SHQ1: variants seen among roughly 807,000 people sequenced by gnomAD.
SHQ1 encodes the protein SHQ1, H/ACA ribonucleoprotein assembly factor, also known as protein SHQ1 homolog.
In SHQ1, 49 loss-of-function variants were observed where a neutral mutation model predicts 53.8. That is an observed-to-expected ratio of 0.91 (90% CI 0.72 to 1.16). The LOEUF is 1.16. Among genes scored for constraint, SHQ1 ranks in the 50% most tolerant of loss-of-function variants. SHQ1 has a pLI of 0.00. For synonymous variants in SHQ1, 243 were observed against 251.0 expected (o/e 0.97, Z 0.30); for missense variants, 738 against 683.1 (o/e 1.08, Z -0.90).
chr3:72,840,539 C>A (rs752871396), intron 4 of SHQ1, among the ~76,000 whole-genome samples: 1 of 143,304 alleles, frequency 7.0e-6, no homozygotes, highest in Non-Finnish European at 1.5e-5. Context: ...CCAGCCTTGG[C>A]GACAGGGTAA....
At chr3:72,751,535 T>TATATATATATATATATATATATAC (rs1444853961) in intron 10 of SHQ1, among the ~76,000 whole-genome samples, 18 of 139,948 alleles carry the variant, frequency 1.3e-4, no homozygotes, top group Middle Eastern at 3.5e-3. Context: ...TATATACATA[T>TATATATATATATATATATATATAC]ACATACACTA....
At chr3:72,795,561 T>A (rs557480606) in intron 9 of SHQ1, 38 of 152,300 alleles carry the variant, frequency 2.5e-4, no homozygotes, top group African/African-American at 9.1e-4. Context: ...AGAAGACAAA[T>A]GTCACAGTAA....
intron 10 of SHQ1, among the ~76,000 whole-genome samples, chr3:72,756,693 T>G (rs1378508698): frequency 6.6e-6 from 1 of 152,230 alleles, no homozygotes; most frequent in African/African-American, 2.4e-5. Flanking sequence ...CTGTCATATT[T>G]TAATAAAACC....
chr3:72,759,547 C>A (rs572107188), intron 10 of SHQ1, among the ~76,000 whole-genome samples: 5 of 151,884 alleles, frequency 3.3e-5, no homozygotes, highest in Non-Finnish European at 5.9e-5. Context: ...AAAAATTAGC[C>A]GGGTGTGGTA....
the SHQ1 span, among the ~76,000 whole-genome samples, chr3:72,736,786 C>T: frequency 1.8e-5 from 1 of 54,282 alleles, no homozygotes; most frequent in Non-Finnish European, 4.1e-5. Context: ...GAGTGAGACT[C>T]CGTTTCAAAA....
intron 5 of SHQ1, among the ~76,000 whole-genome samples, chr3:72,831,708 G>A (rs1187946059): frequency 6.6e-6 from 1 of 152,162 alleles, no homozygotes; most frequent in Non-Finnish European, 1.5e-5. Flanking sequence ...CTGCTATCCT[G>A]GCCAGTGGGA....
Position 72,817,253 on chromosome 3 carries a change from G to A in SHQ1, c.859C>T (p.Arg287Cys), listed in dbSNP as rs747683290. ...DILLAYCYETRVTEGEKNVES... is the reference protein window; with the variant it reads ...DILLAYCYETCVTEGEKNVES... The stretch of plus-strand genomic sequence containing the variant: ...ACATTCTTCTCTCCTTCAGTGACAC[G>A]GGTTTCATAGCAATATGCCAGAAGG... The change falls in exon 7 of 11, where the codon CGT becomes TGT. Residue 287 changes from arginine (R) to cysteine (C), a missense_variant. Coordinates refer to ENST00000325599, the MANE Select transcript of SHQ1 (RefSeq NM_018130.3). 10 of 1,613,264 alleles carry A rather than the reference G, an allele frequency of 6.2e-6. No homozygotes were observed. In the East Asian group the frequency reaches 1.1e-4, roughly 18 times the overall value.
the SHQ1 span, among the ~76,000 whole-genome samples, chr3:72,744,015 C>T: frequency 6.6e-6 from 1 of 152,090 alleles, no homozygotes; most frequent in Non-Finnish European, 1.5e-5. Context: ...GAGCAAACAT[C>T]AAGATGGGAA....
chr3:72,833,879 G>A (rs1238391088), intron 4 of SHQ1, among the ~76,000 whole-genome samples: 1 of 152,184 alleles, frequency 6.6e-6, no homozygotes, highest in Non-Finnish European at 1.5e-5. Flanking sequence ...CCAACCACAA[G>A]TGAGAAGTAC....
chr3:72,832,804 T>A (rs1707863450), intron 4 of SHQ1, among the ~76,000 whole-genome samples: 1 of 152,186 alleles, frequency 6.6e-6, no homozygotes, highest in Admixed American at 6.5e-5. Flanking sequence ...TAACTCAACA[T>A]CCATTTCCCC....
chr3:72,770,897 C>T (rs1456261602), intron 10 of SHQ1, among the ~76,000 whole-genome samples: 1 of 152,182 alleles, frequency 6.6e-6, no homozygotes, highest in Non-Finnish European at 1.5e-5. Context: ...AAACTGATGC[C>T]ATCCCTTGGA....
rs530341917 is a variant in SHQ1, at chr3:72,824,240, C to T, written c.727+184G>A. Reference sequence around the variant, plus strand: ...AAAGAATTTTCCAACACAAATAAGCCTAATTATTTAGCGGCATTTTCCAGT... The same window carrying T: ...AAAGAATTTTCCAACACAAATAAGCTTAATTATTTAGCGGCATTTTCCAGT... On this transcript the variant is annotated intron_variant, in intron 6 of 10. Coordinates refer to ENST00000325599, the MANE Select transcript of SHQ1 (RefSeq NM_018130.3). Among the ~76,000 whole-genome samples, 17 of 152,206 alleles carry T rather than the reference C, an allele frequency of 1.1e-4. No homozygotes were observed. The South Asian group carries it at 3.1e-3, about 28-fold the overall frequency.
intron 2 of SHQ1, 100 bp downstream of exon 2, chr3:72,844,259 G>C: frequency 1.1e-6 from 1 of 943,492 alleles, no homozygotes; most frequent in Non-Finnish European, 1.7e-6. Flanking sequence ...GATTGTATTT[G>C]AAAGACATCA....
chr3:72,844,207 C>G, intron 2 of SHQ1, 152 bp downstream of exon 2: 1 of 637,058 alleles, frequency 1.6e-6, no homozygotes, highest in Non-Finnish European at 2.7e-6. Flanking sequence ...ACATCAATAA[C>G]AGGCACTGGA....
chr3:72,847,699 A>G (rs1708389250), intron 1 of SHQ1, among the ~76,000 whole-genome samples: 1 of 152,126 alleles, frequency 6.6e-6, no homozygotes. Flanking sequence ...TGGTGTCAAG[A>G]GGTCCAAAAA....
the SHQ1 span, among the ~76,000 whole-genome samples, chr3:72,738,789 C>T: frequency 6.6e-6 from 1 of 152,232 alleles, no homozygotes; most frequent in African/African-American, 2.4e-5. Context: ...TACACTCCAG[C>T]CTCAGCAAGC....
At chr3:72,834,003 C>G (rs770133815) in intron 4 of SHQ1, among the ~76,000 whole-genome samples, 1 of 152,152 alleles carries the variant, frequency 6.6e-6, no homozygotes, top group Non-Finnish European at 1.5e-5. Flanking sequence ...TAGGTTGGTG[C>G]CTAATAGGCA....
At chr3:72,801,480 A>AG in intron 9 of SHQ1, among the ~76,000 whole-genome samples, 1 of 152,346 alleles carries the variant, frequency 6.6e-6, no homozygotes, top group East Asian at 1.9e-4. Flanking sequence ...AAGAAGAAAT[A>AG]GGAGTATATA....
intron 8 of SHQ1, among the ~76,000 whole-genome samples, chr3:72,813,786 T>C (rs1391643292): frequency 7.0e-6 from 1 of 143,178 alleles, no homozygotes; most frequent in African/African-American, 2.5e-5. Context: ...AAAAAATACA[T>C]AGAACTCTTT....
Sources: allele counts gnomAD v4.1 joint callset (sites outside exome capture counted in the v4.1 genomes callset), GRCh38; gene constraint gnomAD v4.1.1; transcripts MANE v1.5; gene names NCBI Gene and HGNC (gene_info 2026-07-23, HGNC 2026-07-21).